KCNA4: variants seen among roughly 807,000 people sequenced by gnomAD.
The protein encoded by KCNA4 is cardiac potassium channel.
Under a neutral mutation model 37.2 loss-of-function variants are expected in KCNA4, and 5 were observed. That is an observed-to-expected ratio of 0.13 (90% confidence interval 0.07 to 0.28). The LOEUF (loss-of-function observed/expected upper bound fraction) is 0.28, where lower values mean the gene tolerates loss of function less well. Among genes scored for constraint, KCNA4 ranks in the 10% least tolerant of loss-of-function variants. KCNA4 has a pLI of 1.00. For synonymous variants in KCNA4, 350 were observed against 311.8 expected, an observed-to-expected ratio of 1.12 and a Z score of -1.29; for missense variants, 634 against 817.4, an observed-to-expected ratio of 0.78 and a Z score of 2.74.
chr11:30,013,012 G>A lies in KCNA4; in HGVS notation c.-334C>T, dbSNP rs1180317436. The stretch of plus-strand genomic sequence containing the variant: ...TGTTGAAATTTGGAAATATGTCTGG[G>A]ATGTGGTTAGTGATGTTGCTGCAAG... On this transcript the variant is annotated 5_prime_UTR_variant, in exon 2 of 2. Coordinates refer to ENST00000328224, the MANE Select transcript of KCNA4 (RefSeq NM_002233.4). 2 of 225,940 alleles carry A rather than the reference G, an allele frequency of 8.9e-6. No homozygotes were observed. Among genetic ancestry groups the A allele is most frequent in the Non-Finnish European group, 9.3e-6 (1 of 107,784 alleles). The allele number at this position is 225,940 out of a possible 1,614,324, so 14.0% of individuals were successfully genotyped here.
chr11:30,012,612 C>A lies in KCNA4; in HGVS notation c.67G>T (p.Ala23Ser), dbSNP rs1438778471. The A allele has an allele frequency of 1.2e-6, 2 of 1,607,102 alleles. No individual in the cohort carries two copies. Among genetic ancestry groups the A allele is most frequent in the Non-Finnish European group, 8.5e-7 (1 of 1,178,352 alleles). The change falls in exon 2 of 2, where the codon GCC becomes TCC. Residue 23 changes from alanine (A) to serine (S), a missense_variant. Ala to Ser is a moderately conservative substitution (Grantham distance 99, BLOSUM62 1). Coordinates refer to ENST00000328224, the MANE Select transcript of KCNA4 (RefSeq NM_002233.4). ...CNSHMPYGYA[A>S]QARARERERL... ...TCCCGCTCCCGGGCCCGGGCCTGGG[C>A]AGCATAACCATAAGGCATGTGACTG... is the stretch of plus-strand genomic sequence containing the variant.
chr11:30,012,546 C>T lies in KCNA4; in HGVS notation c.133G>A (p.Ala45Thr). The T allele has an allele frequency of 6.2e-7, 1 of 1,607,936 alleles. No homozygotes were observed. ...HSRAAAAAAV[A>T]AATAAVEGSG... ...CCTTCGACAGCAGCTGTGGCCGCTGCAACAGCAGCTGCTGCAGCTGCCCTG... is the reference window on the plus strand; with the variant it reads ...CCTTCGACAGCAGCTGTGGCCGCTGTAACAGCAGCTGCTGCAGCTGCCCTG... The change falls in exon 2 of 2, where the codon GCA (alanine) becomes ACA (threonine). Residue 45 changes from alanine (A) to threonine (T), a missense_variant. Physicochemically the swap from Ala to Thr is moderately conservative, Grantham distance 58 (BLOSUM62 0). This residue lies in a region of KCNA4 where 236 missense variants were observed against 229.5 expected (regional missense o/e 1.03). Coordinates refer to ENST00000328224, the MANE Select transcript of KCNA4 (RefSeq NM_002233.4).
rs374154145 is a variant in KCNA4 at position 30,011,176 on chromosome 11, C to T, written c.1503G>A (p.Ala501=). ...TTTGGAAATGGGTAGTAGGTTCATC[C>T]GCCTCTGCAAAATACACAGCACTAG... ...LFSSAVYFAE[A]DEPTTHFQSI... is the part of the protein sequence containing the mutation. The change falls in exon 2 of 2, where the codon GCG becomes GCA. Residue 501 remains alanine, a synonymous_variant. Coordinates refer to ENST00000328224, the MANE Select transcript of KCNA4 (RefSeq NM_002233.4). This position sits in a 1 kb window ranked among gnomAD's most constrained non-coding sequence, Gnocchi z 5.6. The T allele has an allele frequency of 1.5e-4, 246 of 1,614,100 alleles. 1 individual carries two copies. The highest frequency in any genetic ancestry group is 1.2e-3 in the Middle Eastern group (7 of 6,062).
Position 30,011,080 on chromosome 11 carries a change from G to T in KCNA4, c.1599C>A (p.Ile533=). Residue 533 remains isoleucine (I), a synonymous_variant, in exon 2 of 2, where the codon ATC becomes ATA. Transcript: ENST00000328224. The surrounding 1 kb of genome is among the most constrained non-coding windows in gnomAD (Gnocchi z 5.6). ...ACCCGACAATCTTGCCCCCTACAGT[G>T]ATGGGCTTCATGTCCCCATAGCCCA... ...TTVGYGDMKP[I]TVGGKIVGSL... The T allele has an allele frequency of 6.2e-7, 1 of 1,614,164 alleles. No individual in the cohort carries two copies. The highest frequency in any genetic ancestry group is 1.1e-5 in the South Asian group (1 of 91,070).
chr11:30,012,892 G>C lies in KCNA4; in HGVS notation c.-214C>G, dbSNP rs1303935102. On this transcript the variant is annotated 5_prime_UTR_variant, in exon 2 of 2. Transcript: ENST00000328224. ...CTCAGGGATTCAACATTGCTCTCCAGAGCTTGGCTGGTCGAGATAAATAGC... is the reference window on the plus strand; with the variant it reads ...CTCAGGGATTCAACATTGCTCTCCACAGCTTGGCTGGTCGAGATAAATAGC... 3.4e-6 allele frequency: 2 copies of C among 589,598 alleles called. No individual in the cohort carries two copies. Among genetic ancestry groups the C allele is most frequent in the Non-Finnish European group, 5.4e-6 (2 of 370,342 alleles). The allele number at this position is 589,598 out of a possible 1,614,324, so 36.5% of individuals were successfully genotyped here.
Position 30,011,960 on chromosome 11 carries a change from C to A in KCNA4, c.719G>T (p.Arg240Leu). 2 of 1,614,066 alleles carry A rather than the reference C, an allele frequency of 1.2e-6. No individual in the cohort carries two copies. Among genetic ancestry groups the A allele is most frequent in the East Asian group, 2.2e-5 (1 of 44,858 alleles). The change falls in exon 2 of 2, where the codon CGC (arginine) becomes CTC (leucine). Residue 240 changes from arginine to leucine, a missense_variant. Arg to Leu is a moderately radical substitution (Grantham distance 102). Around this residue, in one of 8 missense-constraint regions of KCNA4, gnomAD observed 252 missense variants for 344.2 expected, o/e 0.73. Coordinates refer to ENST00000328224, the MANE Select transcript of KCNA4 (RefSeq NM_002233.4). This position sits in a 1 kb window ranked among gnomAD's most constrained non-coding sequence, Gnocchi z 5.6. The part of the protein sequence containing the change: ...AILYYYQSGG[R>L]LKRPVNVPFD... ...GGGGACATTGACTGGCCTCTTCAGG[C>A]GGCCTCCTGATTGATAATAATACAA...
Position 30,011,124 on chromosome 11 carries a change from C to G in KCNA4, c.1555G>C (p.Val519Leu). The G allele has an allele frequency of 2.5e-6, 4 of 1,614,186 alleles. No homozygotes were observed. Among genetic ancestry groups the G allele is most frequent in the Middle Eastern group, 1.6e-4 (1 of 6,062 alleles). ...QSIPDAFWWA[V>L]VTMTTVGYGD... Reference sequence around the variant, plus strand: ...TAGCCCACAGTTGTCATGGTCACCACAGCCCACCAAAATGCATCTGGGATG... The same window carrying G: ...TAGCCCACAGTTGTCATGGTCACCAGAGCCCACCAAAATGCATCTGGGATG... Residue 519 changes from valine to leucine, a missense_variant, in exon 2 of 2, where the codon GTG becomes CTG. By Grantham distance (32) the Val-to-Leu change is conservative. This residue lies in a region of KCNA4 where 3 missense variants were observed against 25.0 expected (regional missense o/e 0.12). Coordinates refer to ENST00000328224, the MANE Select transcript of KCNA4 (RefSeq NM_002233.4). This position sits in a 1 kb window ranked among gnomAD's most constrained non-coding sequence, Gnocchi z 5.6.
chr11:30,013,967 TGTGCAGACAG>T (rs1198751351), intron 1 of KCNA4, among the ~76,000 whole-genome samples: 1 of 152,226 alleles, frequency 6.6e-6, no homozygotes, highest in East Asian at 1.9e-4. Flanking sequence ...TCTTATTCTT[TGTGCAGACAG>T]CACCACTTGA....
chr11:30,012,056 C>T lies in KCNA4; in HGVS notation c.623G>A (p.Arg208Lys). ...GCGCAAAGGGTCAAAGTACTGAGTC[C>T]TCTTTTCAGGGTCTCCCAACAAAGT... ...PETLLGDPEK[R>K]TQYFDPLRNE... is the part of the protein sequence containing the mutation. The change falls in exon 2 of 2, where the codon AGG becomes AAG. Residue 208 changes from arginine (R) to lysine (K), a missense_variant. Arg to Lys is a conservative substitution (Grantham distance 26). This residue lies in a region of KCNA4 where 252 missense variants were observed against 344.2 expected (regional missense o/e 0.73). Transcript: ENST00000328224. 1 of 1,614,166 alleles carries T rather than the reference C, an allele frequency of 6.2e-7. No homozygotes were observed. The highest frequency in any genetic ancestry group is 8.5e-7 in the Non-Finnish European group (1 of 1,180,024).
At position 30,010,249 on chromosome 11, in the gene KCNA4, A is replaced by C. The variant is rs1300495792; in HGVS notation, c.*468T>G. 1.3e-5 allele frequency: 2 copies of C among 154,956 alleles called. No individual in the cohort carries two copies. Among genetic ancestry groups the C allele is most frequent in the Non-Finnish European group, 2.9e-5 (2 of 69,854 alleles). The allele number at this position is 154,956 out of a possible 1,614,324, so 9.6% of individuals were successfully genotyped here. A position where few individuals can be genotyped will look rare whatever the true frequency, so the allele number is the denominator to read the frequency against. On this transcript the variant is annotated 3_prime_UTR_variant, in exon 2 of 2. Coordinates refer to ENST00000328224, the MANE Select transcript of KCNA4 (RefSeq NM_002233.4). ...GTATTTCTTACAATTTTTAAAAAAC[A>C]ACTACAGAATCCAAAGACATACGAT...
At chr11:30,016,534 CAAAAAA>C (rs139673634) in intron 1 of KCNA4, 32 bp downstream of exon 1, 22 of 62,328 alleles carry the variant, frequency 3.5e-4, no homozygotes, top group Admixed American at 2.0e-3. Context: ...AGGAAAGATA[CAAAAAA>C]AAAAAAAAAA....
chr11:30,010,303 C>T lies in KCNA4; in HGVS notation c.*414G>A, dbSNP rs1240532927. Reference sequence around the variant, plus strand: ...CTGTTAAAGCACTGATAAATGACTGCTCAGATTCATTAGTTCTTACATAGT... The same window carrying T: ...CTGTTAAAGCACTGATAAATGACTGTTCAGATTCATTAGTTCTTACATAGT... On this transcript the variant is annotated 3_prime_UTR_variant, in exon 2 of 2. Coordinates refer to ENST00000328224, the MANE Select transcript of KCNA4 (RefSeq NM_002233.4). The T allele has an allele frequency of 1.2e-5, 2 of 169,682 alleles. No homozygotes were observed. Among genetic ancestry groups the T allele is most frequent in the East Asian group, 1.7e-4 (1 of 5,834 alleles). The allele number at this position is 169,682 out of a possible 1,614,324, so 10.5% of individuals were successfully genotyped here.
In KCNA4 at chr11:30,016,863, A is replaced by G. The variant is rs1850357513; in HGVS notation, c.-1074T>C. On this transcript the variant is annotated 5_prime_UTR_variant, in exon 1 of 2. Coordinates refer to ENST00000328224, the MANE Select transcript of KCNA4 (RefSeq NM_002233.4). ...TCCTGGTTCCTCTGGAGTTCAGCAC[A>G]GGAGGGATTGCCTGGGAAAGGAAGT... 1 of 398,322 alleles carries G rather than the reference A, an allele frequency of 2.5e-6. No individual in the cohort carries two copies. The highest frequency in any genetic ancestry group is 1.3e-4 in the South Asian group (1 of 7,858). The allele number at this position is 398,322 out of a possible 1,614,324, so 24.7% of individuals were successfully genotyped here. A position where few individuals can be genotyped will look rare whatever the true frequency, so the allele number is the denominator to read the frequency against.
In KCNA4 at chr11:30,016,953, T is replaced by C. The variant is rs1850358358; in HGVS notation, c.-1164A>G. On this transcript the variant is annotated 5_prime_UTR_variant, in exon 1 of 2. Transcript: ENST00000328224. The stretch of plus-strand genomic sequence containing the variant: ...CGATCACTTGTTAAGCCCGAATTCC[T>C]CCTCCAACATCCATCCCTCTCTCGC... 2 of 398,516 alleles carry C rather than the reference T, an allele frequency of 5.0e-6. No homozygotes were observed. The highest frequency in any genetic ancestry group is 8.8e-6 in the Non-Finnish European group (2 of 226,160). The allele number at this position is 398,516 out of a possible 1,614,324, so 24.7% of individuals were successfully genotyped here.
chr11:30,014,067 G>A (rs761941753), intron 1 of KCNA4, among the ~76,000 whole-genome samples: 5 of 152,180 alleles, frequency 3.3e-5, no homozygotes, highest in Admixed American at 6.5e-5. Context: ...GATTAAATGA[G>A]ATAATGGATG....
In KCNA4 at chr11:30,012,344, C is replaced by A. The variant is rs1850312749; in HGVS notation, c.335G>T (p.Gly112Val). The change falls in exon 2 of 2, where the codon GGC (glycine) becomes GTC (valine). Residue 112 changes from glycine (G) to valine (V), a missense_variant. This residue lies in a region of KCNA4 where 236 missense variants were observed against 229.5 expected (regional missense o/e 1.03). Transcript: ENST00000328224. ...FPHCSDLMPSGSEEKILRELS... is the reference protein window; with the variant it reads ...FPHCSDLMPSVSEEKILRELS... ...CTCCCTCAGGATCTTCTCCTCAGAGCCACTGGGCATCAGGTCAGAGCAATG... is the reference window on the plus strand; with the variant it reads ...CTCCCTCAGGATCTTCTCCTCAGAGACACTGGGCATCAGGTCAGAGCAATG... 1 of 1,614,120 alleles carries A rather than the reference C, an allele frequency of 6.2e-7. No homozygotes were observed. Among genetic ancestry groups the A allele is most frequent in the Non-Finnish European group, 8.5e-7 (1 of 1,180,022 alleles).
At position 30,012,613 on chromosome 11, in the gene KCNA4, A is replaced by T; in HGVS notation, c.66T>A (p.Ala22=). The T allele has an allele frequency of 6.2e-7, 1 of 1,607,312 alleles. No homozygotes were observed. The highest frequency in any genetic ancestry group is 8.5e-7 in the Non-Finnish European group (1 of 1,178,308). The part of the protein sequence containing the change: ...GCNSHMPYGY[A]AQARARERER... ...CCCGCTCCCGGGCCCGGGCCTGGGCAGCATAACCATAAGGCATGTGACTGT... is the reference window on the plus strand; with the variant it reads ...CCCGCTCCCGGGCCCGGGCCTGGGCTGCATAACCATAAGGCATGTGACTGT... The change falls in exon 2 of 2, where the codon GCT becomes GCA. Residue 22 remains alanine (A), a synonymous_variant. Transcript: ENST00000328224.
Position 30,011,871 on chromosome 11 carries a change from G to T in KCNA4, c.808C>A (p.Arg270=). ...TCTCTCACAAAGCCCTCGTCCTCCC[G>T]AAACTTCAACAGGGCCTCCTCCCCC... ...QLGEEALLKF[R]EDEGFVREEE... is the part of the protein sequence containing the mutation. The change falls in exon 2 of 2, where the codon CGG becomes AGG. Residue 270 remains arginine, a synonymous_variant. Coordinates refer to ENST00000328224, the MANE Select transcript of KCNA4 (RefSeq NM_002233.4). This position sits in a 1 kb window ranked among gnomAD's most constrained non-coding sequence, Gnocchi z 5.6. 1 of 1,614,008 alleles carries T rather than the reference G, an allele frequency of 6.2e-7. No homozygotes were observed. The highest frequency in any genetic ancestry group is 8.5e-7 in the Non-Finnish European group (1 of 1,179,978).
intron 1 of KCNA4, among the ~76,000 whole-genome samples, chr11:30,015,645 G>T (rs1388745103): frequency 1.3e-5 from 2 of 151,968 alleles, no homozygotes; most frequent in Non-Finnish European, 2.9e-5. Flanking sequence ...CACTATCCCT[G>T]ATCTAGAAAG....
Sources: allele counts gnomAD v4.1 joint callset (sites outside exome capture counted in the v4.1 genomes callset), GRCh38; gene constraint gnomAD v4.1.1; regional missense constraint gnomAD v4.1.1; non-coding constraint Gnocchi (gnomAD v3.1); transcripts MANE v1.5; gene names NCBI Gene and HGNC (gene_info 2026-07-23, HGNC 2026-07-21).